Variants in FERRY3 observed in about 807,000 individuals in gnomAD.
FERRY3 encodes the protein FERRY endosomal RAB5 effector complex subunit 3, also known as protein C12orf4.
At chr12:4,518,207 A>G in the FERRY3 span, 5 of 1,614,148 alleles carry the variant, frequency 3.1e-6, no homozygotes, top group Admixed American at 1.7e-5. Context: ...GAAGTCCAGC[A>G]TATCTGCTCT....
At chr12:4,529,241 T>G in the FERRY3 span, among the ~76,000 whole-genome samples, 1 of 152,180 alleles carries the variant, frequency 6.6e-6, no homozygotes, top group African/African-American at 2.4e-5. Context: ...GTATACTGTG[T>G]TAAGTAATCC....
At chr12:4,515,916 CAAAT>C in the FERRY3 span, among the ~76,000 whole-genome samples, 3 of 151,984 alleles carry the variant, frequency 2.0e-5, no homozygotes, top group Non-Finnish European at 2.9e-5. Context: ...TTGTATACCT[CAAAT>C]ATATACAATC....
At chr12:4,520,197 C>T in the FERRY3 span, among the ~76,000 whole-genome samples, 2 of 152,218 alleles carry the variant, frequency 1.3e-5, no homozygotes, top group Non-Finnish European at 2.9e-5. Context: ...GGCACATGAA[C>T]TTGCAAACTC....
At chr12:4,488,465 C>T in the FERRY3 span, 1,044 of 152,338 alleles carry the variant, frequency 6.9e-3, 9 homozygotes, top group Middle Eastern at 0.017. The surrounding 1 kb of genome is among the most constrained non-coding windows in gnomAD (Gnocchi z 4.9). Context: ...TTGGCAGAAT[C>T]GCCAGGCTCC....
the FERRY3 span, among the ~76,000 whole-genome samples, chr12:4,510,247 A>C: frequency 6.7e-6 from 1 of 148,894 alleles, no homozygotes; most frequent in Non-Finnish European, 1.5e-5. Context: ...AGACTATGTG[A>C]AAAGACCAAA....
the FERRY3 span, chr12:4,491,284 A>T: frequency 1.3e-6 from 2 of 1,517,338 alleles, no homozygotes; most frequent in Non-Finnish European, 9.1e-7. Context: ...AACTTTGTAT[A>T]AAAAATAAAG....
At chr12:4,504,877 T>C in the FERRY3 span, among the ~76,000 whole-genome samples, 4 of 152,108 alleles carry the variant, frequency 2.6e-5, no homozygotes. Flanking sequence ...CTGAAGCAGG[T>C]GGATCACTTG....
At chr12:4,517,684 A>AATATATATATATATATATATAT in the FERRY3 span, among the ~76,000 whole-genome samples, 60 of 140,528 alleles carry the variant, frequency 4.3e-4, no homozygotes, top group African/African-American at 1.5e-3. Context: ...AGGTTATTAA[A>AATATATATATATATATATATAT]ATATATATAT....
the FERRY3 span, chr12:4,500,133 C>T: frequency 1.2e-6 from 2 of 1,607,888 alleles, no homozygotes. Context: ...TTTCTATCTG[C>T]TTACCTCTGA....
At chr12:4,508,076 A>C in the FERRY3 span, among the ~76,000 whole-genome samples, 5,487 of 152,254 alleles carry the variant, frequency 0.036, 316 homozygotes, top group African/African-American at 0.12. Flanking sequence ...TGAATAGATA[A>C]AGAAACTGCA....
chr12:4,519,724 A>G, the FERRY3 span, among the ~76,000 whole-genome samples: 2 of 152,196 alleles, frequency 1.3e-5, no homozygotes, highest in Non-Finnish European at 2.9e-5. This position sits in a 1 kb window ranked among gnomAD's most constrained non-coding sequence, Gnocchi z 4.3. Flanking sequence ...GCGAGTGAGC[A>G]TTACCACCTG....
At chr12:4,514,377 C>T in the FERRY3 span, among the ~76,000 whole-genome samples, 1 of 151,968 alleles carries the variant, frequency 6.6e-6, no homozygotes, top group East Asian at 1.9e-4. Context: ...ACCATTTGAC[C>T]CAGCCATCCC....
chr12:4,499,004 T>C, the FERRY3 span, among the ~76,000 whole-genome samples: 17 of 152,308 alleles, frequency 1.1e-4, no homozygotes, highest in Admixed American at 3.3e-4. Context: ...ATACAGGATA[T>C]GAAATTTAAA....
chr12:4,534,230 G>T, the FERRY3 span: 3 of 1,612,628 alleles, frequency 1.9e-6, no homozygotes, highest in South Asian at 2.2e-5. Context: ...AGCTGCCAGG[G>T]ATGCTTCAGC....
At chr12:4,535,962 A>G in the FERRY3 span, 1 of 1,367,024 alleles carries the variant, frequency 7.3e-7, no homozygotes, top group Non-Finnish European at 9.7e-7. This position sits in a 1 kb window ranked among gnomAD's most constrained non-coding sequence, Gnocchi z 4.0. Flanking sequence ...ACTTCCAATG[A>G]CAGACTATTG....
chr12:4,517,963 A>C, the FERRY3 span: 1 of 1,149,240 alleles, frequency 8.7e-7, no homozygotes, highest in South Asian at 1.5e-5. Context: ...AAGGTGATTA[A>C]AATTTTTTTT....
chr12:4,494,485 T>A, the FERRY3 span, among the ~76,000 whole-genome samples: 23 of 152,380 alleles, frequency 1.5e-4, no homozygotes, highest in African/African-American at 4.6e-4. Flanking sequence ...TTAGGTCTGA[T>A]CCATTTTAAA....
chr12:4,508,243 T>C, the FERRY3 span, among the ~76,000 whole-genome samples: 2 of 152,290 alleles, frequency 1.3e-5, no homozygotes, highest in East Asian at 3.9e-4. Context: ...CAAGCAAAGA[T>C]ATAATATCTC....
chr12:4,517,684 A>T, the FERRY3 span, among the ~76,000 whole-genome samples: 1 of 140,562 alleles, frequency 7.1e-6, no homozygotes, highest in Non-Finnish European at 1.5e-5. Context: ...AGGTTATTAA[A>T]ATATATATAT....
Sources: gnomAD v4.1 joint callset for allele counts (sites outside exome capture counted in the v4.1 genomes callset) on GRCh38, gnomAD v4.1.1 for gene constraint, Gnocchi (gnomAD v3.1) non-coding constraint, MANE v1.5 for transcripts, NCBI Gene and HGNC (gene_info 2026-07-23, HGNC 2026-07-21) for gene names.